SMAD2: variants seen among roughly 807,000 people sequenced by gnomAD.
The protein encoded by SMAD2 is MAD homolog 2.
A neutral mutation model predicts 64.4 loss-of-function variants in SMAD2; 8 were observed. The ratio of observed to expected loss-of-function variants is 0.12; its 90% CI spans 0.07 to 0.22. SMAD2 has a LOEUF of 0.22. Among genes scored for constraint, SMAD2 ranks in the 10% least tolerant of loss-of-function variants. The pLI is 1.00. For synonymous variants in SMAD2, 203 were observed against 195.8 expected (o/e 1.04, Z -0.31); for missense variants, 289 against 561.2 (o/e 0.51, Z 4.90).
At chr18:47,856,076 G>A (rs1044703980) in intron 6 of SMAD2, among the ~76,000 whole-genome samples, 15 of 151,702 alleles carry the variant, frequency 9.9e-5, no homozygotes, top group African/African-American at 3.4e-4. Context: ...GATGAATCTG[G>A]AAGACATTAT....
chr18:47,920,325 AATTTT>A (rs2034511660), intron 1 of SMAD2, among the ~76,000 whole-genome samples: 1 of 152,252 alleles, frequency 6.6e-6, no homozygotes, highest in African/African-American at 2.4e-5. Context: ...ATAATTTAAT[AATTTT>A]ATTAATCTAA....
intron 6 of SMAD2, among the ~76,000 whole-genome samples, chr18:47,857,797 C>T (rs2030844850): frequency 6.6e-6 from 1 of 152,204 alleles, no homozygotes; most frequent in Non-Finnish European, 1.5e-5. Context: ...GCACAGAGCT[C>T]CTCTTCACCA....
rs1912213548 is a variant in SMAD2 at position 47,811,745 on chromosome 18, T to G, written c.*30082A>C. ...AGGGTGGAGGAAACATACCATGCAT[T>G]TCAAGGAAAACAACTTAAAAATTAA... On this transcript the variant is annotated 3_prime_UTR_variant, in exon 11 of 11. Coordinates refer to ENST00000262160, the MANE Select transcript of SMAD2 (RefSeq NM_005901.6). 6.6e-6 allele frequency: 1 copy of G among 152,094 alleles called. No individual in the cohort carries two copies. The highest frequency in any genetic ancestry group is 1.5e-5 in the Non-Finnish European group (1 of 68,042). 9.4% of individuals were successfully genotyped at this position (152,094 alleles called of 1,614,324 possible).
At position 47,914,126 on chromosome 18, in the gene SMAD2, C is replaced by A. The variant is rs138898102; in HGVS notation, c.-54+16235G>T. On this transcript the variant is annotated intron_variant, in intron 1 of 10. Transcript: ENST00000262160. ...ACATTTAATTAAACAACAGTGCATA[C>A]TCTTTCCAGAGTCCTCAACTATGTG... Among the ~76,000 whole-genome samples, 159 of 152,306 alleles carry A rather than the reference C, an allele frequency of 1.0e-3. 3 individuals are homozygous for A. In the East Asian group the frequency reaches 0.028, roughly 27 times the overall value.
chr18:47,925,689 AC>A (rs1384399665), intron 1 of SMAD2, among the ~76,000 whole-genome samples: 2 of 152,216 alleles, frequency 1.3e-5, no homozygotes, highest in African/African-American at 2.4e-5. Context: ...GCATTTTTAA[AC>A]CAAAAAGGCT....
chr18:47,885,787 C>T (rs1397430162), intron 2 of SMAD2, among the ~76,000 whole-genome samples: 1 of 152,060 alleles, frequency 6.6e-6, no homozygotes, highest in Non-Finnish European at 1.5e-5. Flanking sequence ...CATGATGAAA[C>T]CCTGTCTCTA....
rs1181165804 is a variant in SMAD2, at chr18:47,829,267, T to C, written c.*12560A>G. On this transcript the variant is annotated 3_prime_UTR_variant, in exon 11 of 11. Transcript: ENST00000262160. ...CCCAATCCCAACAAACAACCATCAATGTCCTATTCATTCATACCTCCATCT... is the reference window on the plus strand; with the variant it reads ...CCCAATCCCAACAAACAACCATCAACGTCCTATTCATTCATACCTCCATCT... 2.6e-5 allele frequency: 4 copies of C among 152,088 alleles called. No individual in the cohort carries two copies. Among genetic ancestry groups the C allele is most frequent in the Non-Finnish European group, 5.9e-5 (4 of 68,010 alleles). 9.4% of individuals were successfully genotyped at this position (152,088 alleles called of 1,614,324 possible).
chr18:47,884,102 G>T (rs7235743), intron 2 of SMAD2, among the ~76,000 whole-genome samples: 2,263 of 152,080 alleles, frequency 0.015, 64 homozygotes, highest in African/African-American at 0.052. Flanking sequence ...GTCATTTTTG[G>T]ACCAACTTGG....
Position 47,821,418 on chromosome 18 carries a change from C to T in SMAD2, c.*20409G>A, listed in dbSNP as rs79470709. Reference sequence around the variant, plus strand: ...GAAGGCCTAGAAAAGCAATGTTTTCCTCCAGTATAACTTGATTCTGAATTC... The same window carrying T: ...GAAGGCCTAGAAAAGCAATGTTTTCTTCCAGTATAACTTGATTCTGAATTC... On this transcript the variant is annotated 3_prime_UTR_variant, in exon 11 of 11. Transcript: ENST00000262160. 6.6e-6 allele frequency: 1 copy of T among 152,304 alleles called. No homozygotes were observed. The highest frequency in any genetic ancestry group is 1.9e-4 in the East Asian group (1 of 5,180). The allele number at this position is 152,304 out of a possible 1,614,324, so 9.4% of individuals were successfully genotyped here. A position where few individuals can be genotyped will look rare whatever the true frequency, so the allele number is the denominator to read the frequency against.
rs578169183 is a variant in SMAD2, at chr18:47,929,237, T to C, written c.-54+1124A>G. Among the ~76,000 whole-genome samples, 5 of 152,334 alleles carry C rather than the reference T, an allele frequency of 3.3e-5. No homozygotes were observed. In the South Asian group the frequency reaches 6.2e-4, roughly 19 times the overall value. Reference sequence around the variant, plus strand: ...CTATTTGACTAACTTCTCTGTAAGATGGAAACTTTTTAAAGGGTGTTAAAG... The same window carrying C: ...CTATTTGACTAACTTCTCTGTAAGACGGAAACTTTTTAAAGGGTGTTAAAG... On this transcript the variant is annotated intron_variant, in intron 1 of 10. Coordinates refer to ENST00000262160, the MANE Select transcript of SMAD2 (RefSeq NM_005901.6).
intron 1 of SMAD2, among the ~76,000 whole-genome samples, chr18:47,907,669 T>C (rs959803436): frequency 2.0e-4 from 30 of 152,286 alleles, no homozygotes; most frequent in African/African-American, 6.7e-4. Flanking sequence ...CTCACAGAAC[T>C]GGCCGAGCCC....
rs1913903384 is a variant in SMAD2 at position 47,841,096 on chromosome 18, G to A, written c.*731C>T. ...GACAAAAATGGGAATGGAAAAAAGAGGCTTGGAAAGGTTTTCAGTATGGTT... is the reference window on the plus strand; with the variant it reads ...GACAAAAATGGGAATGGAAAAAAGAAGCTTGGAAAGGTTTTCAGTATGGTT... On this transcript the variant is annotated 3_prime_UTR_variant, in exon 11 of 11. Coordinates refer to ENST00000262160, the MANE Select transcript of SMAD2 (RefSeq NM_005901.6). The A allele has an allele frequency of 4.3e-6, 1 of 231,960 alleles. No homozygotes were observed. The highest frequency in any genetic ancestry group is 8.5e-6 in the Non-Finnish European group (1 of 117,634). 14.4% of individuals were successfully genotyped at this position (231,960 alleles called of 1,614,324 possible). A position where few individuals can be genotyped will look rare whatever the true frequency, so the allele number is the denominator to read the frequency against.
chr18:47,816,938 T>A lies in SMAD2; in HGVS notation c.*24889A>T, dbSNP rs1039079908. On this transcript the variant is annotated 3_prime_UTR_variant, in exon 11 of 11. Coordinates refer to ENST00000262160, the MANE Select transcript of SMAD2 (RefSeq NM_005901.6). ...CAATACACCCATCTAATTTTTTGTA[T>A]TTTTAGTAGAGAGGGGGTTTCACTA... is the stretch of plus-strand genomic sequence containing the variant. The A allele has an allele frequency of 5.3e-5, 8 of 152,090 alleles. No individual in the cohort carries two copies. Among genetic ancestry groups the A allele is most frequent in the Admixed American group, 5.2e-4 (8 of 15,250 alleles). 9.4% of individuals were successfully genotyped at this position (152,090 alleles called of 1,614,324 possible).
intron 6 of SMAD2, among the ~76,000 whole-genome samples, chr18:47,856,758 A>G (rs1248000694): frequency 1.3e-5 from 2 of 151,664 alleles, no homozygotes; most frequent in African/African-American, 4.9e-5. Flanking sequence ...TTGTTTTTTA[A>G]TTTCTGGTAA....
At position 47,819,307 on chromosome 18, in the gene SMAD2, T is replaced by C. The variant is rs1912483008; in HGVS notation, c.*22520A>G. 1 of 152,244 alleles carries C rather than the reference T, an allele frequency of 6.6e-6. No homozygotes were observed. The highest frequency in any genetic ancestry group is 2.4e-5 in the African/African-American group (1 of 41,468). The allele number at this position is 152,244 out of a possible 1,614,324, so 9.4% of individuals were successfully genotyped here. A position where few individuals can be genotyped will look rare whatever the true frequency, so the allele number is the denominator to read the frequency against. On this transcript the variant is annotated 3_prime_UTR_variant, in exon 11 of 11. Coordinates refer to ENST00000262160, the MANE Select transcript of SMAD2 (RefSeq NM_005901.6). ...ACTTAAAAACAGAATGATCTTTGTA[T>C]AACTGTAAGTTGAACTAATTTTGTA...
intron 2 of SMAD2, among the ~76,000 whole-genome samples, chr18:47,874,247 G>A (rs1027455834): frequency 6.6e-6 from 1 of 152,126 alleles, no homozygotes; most frequent in African/African-American, 2.4e-5. Context: ...AAACAATCTT[G>A]AAAAAGAATT....
chr18:47,865,153 A>T lies in SMAD2; in HGVS notation c.656-20T>A. ...GCGTTTCTACAAAAGTTTAAAACAA[A>T]TCAAGCACAGCTGCAACATAATCTC... On this transcript the variant is annotated intron_variant, in intron 5 of 10. Coordinates refer to ENST00000262160, the MANE Select transcript of SMAD2 (RefSeq NM_005901.6). 1 of 1,428,854 alleles carries T rather than the reference A, an allele frequency of 7.0e-7. No homozygotes were observed. Among genetic ancestry groups the T allele is most frequent in the Non-Finnish European group, 9.9e-7 (1 of 1,011,756 alleles). 88.5% of individuals were successfully genotyped at this position (1,428,854 alleles called of 1,614,324 possible).
rs924631178 is a variant in SMAD2 at position 47,905,890 on chromosome 18, C to T, written c.-53-9081G>A. On this transcript the variant is annotated intron_variant, in intron 1 of 10. Coordinates refer to ENST00000262160, the MANE Select transcript of SMAD2 (RefSeq NM_005901.6). ...ACTTTGGGAGGCCAAAATAGGAGGACTGCTTGAGCTCTAGTGTTCAAGACC... is the reference window on the plus strand; with the variant it reads ...ACTTTGGGAGGCCAAAATAGGAGGATTGCTTGAGCTCTAGTGTTCAAGACC... 2.6e-5 allele frequency among the ~76,000 whole-genome samples: 4 copies of T among 152,132 alleles called. No homozygotes were observed. The East Asian group carries it at 7.8e-4, about 29-fold the overall frequency.
At position 47,829,717 on chromosome 18, in the gene SMAD2, G is replaced by A. The variant is rs1235723389; in HGVS notation, c.*12110C>T. On this transcript the variant is annotated 3_prime_UTR_variant, in exon 11 of 11. Transcript: ENST00000262160. ...AAATAAAAACTGCACCGTATGACAT[G>A]TCACATAGAAATTGTTAGAGACTTT... The A allele has an allele frequency of 6.6e-6, 1 of 152,210 alleles. No individual in the cohort carries two copies. Among genetic ancestry groups the A allele is most frequent in the Admixed American group, 6.5e-5 (1 of 15,278 alleles). 9.4% of individuals were successfully genotyped at this position (152,210 alleles called of 1,614,324 possible).
Sources: allele counts gnomAD v4.1 joint callset (sites outside exome capture counted in the v4.1 genomes callset), GRCh38; gene constraint gnomAD v4.1.1; transcripts MANE v1.5; gene names NCBI Gene and HGNC (gene_info 2026-07-23, HGNC 2026-07-21).